The following CPS1 variants were observed in gnomAD, a reference collection of about 807,000 sequenced individuals.
The protein encoded by CPS1 is carbamoyl-phosphate synthase 1.
Under a neutral mutation model 174.6 loss-of-function variants are expected in CPS1, and 109 were observed. The ratio of observed to expected loss-of-function variants is 0.62; its 90% CI spans 0.53 to 0.73. CPS1 has a LOEUF of 0.73. Among genes scored for constraint, CPS1 ranks in the 30% least tolerant of loss-of-function variants. CPS1 has a pLI of 0.00. For synonymous variants in CPS1, 637 were observed against 632.0 expected, an observed-to-expected ratio of 1.01 and a Z score of -0.12; for missense variants, 1,689 against 1,821.9, an observed-to-expected ratio of 0.93 and a Z score of 1.33.
At chr2:210,633,611 C>G (rs1699939504) in intron 21 of CPS1, among the ~76,000 whole-genome samples, 1 of 152,102 alleles carries the variant, frequency 6.6e-6, no homozygotes, top group African/African-American at 2.4e-5. Flanking sequence ...TATTGCATCC[C>G]TAATAGAAAT....
At chr2:210,588,769 A>G (rs936309151) in intron 7 of CPS1, among the ~76,000 whole-genome samples, 2 of 151,944 alleles carry the variant, frequency 1.3e-5, no homozygotes, top group South Asian at 2.1e-4. Flanking sequence ...CATAACACCA[A>G]ATTAGCATGC....
intron 16 of CPS1, 177 bp from the exon 17 acceptor site, chr2:210,604,925 T>G: frequency 1.5e-6 from 1 of 647,356 alleles, no homozygotes; most frequent in Non-Finnish European, 2.7e-6. Flanking sequence ...TGCAGGATGC[T>G]ATTCCTAGTA....
At chr2:210,646,236 A>T (rs1032562641) in intron 25 of CPS1, among the ~76,000 whole-genome samples, 1 of 152,192 alleles carries the variant, frequency 6.6e-6, no homozygotes, top group Non-Finnish European at 1.5e-5. Flanking sequence ...TAAAACATTA[A>T]CAACACTGCT....
intron 1 of CPS1, among the ~76,000 whole-genome samples, chr2:210,488,262 G>T (rs1450884806): frequency 6.6e-6 from 1 of 152,058 alleles, no homozygotes; most frequent in Admixed American, 6.5e-5. Context: ...GTTAGATCAT[G>T]TGTATAATAT....
intron 31 of CPS1, among the ~76,000 whole-genome samples, chr2:210,659,711 G>T (rs1700852565): frequency 6.6e-6 from 1 of 152,158 alleles, no homozygotes; most frequent in Admixed American, 6.6e-5. Flanking sequence ...AGTGAAGGTT[G>T]GGAAGAAGGT....
intron 32 of CPS1, among the ~76,000 whole-genome samples, chr2:210,662,383 G>A (rs1319936765): frequency 6.6e-6 from 1 of 152,174 alleles, no homozygotes; most frequent in African/African-American, 2.4e-5. Flanking sequence ...ACTTGACCAA[G>A]ATGATCCAGT....
At chr2:210,662,401 C>T (rs2105925226) in intron 32 of CPS1, among the ~76,000 whole-genome samples, 2 of 152,254 alleles carry the variant, frequency 1.3e-5, no homozygotes, top group South Asian at 4.1e-4. Flanking sequence ...AGTGAAATGA[C>T]TCCCAAGCTA....
chr2:210,521,511 G>A (rs753183635), intron 1 of CPS1, among the ~76,000 whole-genome samples: 1 of 151,660 alleles, frequency 6.6e-6, no homozygotes, highest in African/African-American at 2.4e-5. Flanking sequence ...ATAGTTTTCT[G>A]TTAAAAAATT....
At chr2:210,571,625 T>G (rs1697491663) in intron 1 of CPS1, among the ~76,000 whole-genome samples, 1 of 151,988 alleles carries the variant, frequency 6.6e-6, no homozygotes, top group Non-Finnish European at 1.5e-5. Flanking sequence ...GGTTTAAAGG[T>G]AATCAAGACA....
intron 19 of CPS1, among the ~76,000 whole-genome samples, chr2:210,608,929 T>G (rs1019689687): frequency 1.3e-5 from 2 of 151,846 alleles, no homozygotes; most frequent in African/African-American, 4.8e-5. Context: ...ATATAATATA[T>G]CAAAAAGACC....
chr2:210,519,238 G>T (rs1232121350), intron 1 of CPS1, among the ~76,000 whole-genome samples: 1 of 151,930 alleles, frequency 6.6e-6, no homozygotes, highest in Non-Finnish European at 1.5e-5. Flanking sequence ...ATTGCATTTT[G>T]CCCAAGGTGT....
At position 210,514,602 on chromosome 2, in the gene CPS1, A is replaced by C. The variant is rs568789929; in HGVS notation, c.3+36836A>C. On this transcript the variant is annotated intron_variant, in intron 1 of 38. Transcript: ENST00000430249. ...GCAGGGTCTTTAGGGTTTTCTAGGCATAGAATCATATAATCAGTGAAGAGA... is the reference window on the plus strand; with the variant it reads ...GCAGGGTCTTTAGGGTTTTCTAGGCCTAGAATCATATAATCAGTGAAGAGA... Among the ~76,000 whole-genome samples the C allele has an allele frequency of 1.8e-3, 268 of 152,068 alleles. 1 individual carries two copies. The highest frequency in any genetic ancestry group is 6.8e-3 in the Middle Eastern group (2 of 294).
At chr2:210,623,459 A>C (rs1047003322) in intron 21 of CPS1, among the ~76,000 whole-genome samples, 12 of 152,020 alleles carry the variant, frequency 7.9e-5, no homozygotes, top group Middle Eastern at 6.8e-3. Context: ...TAATAACTTT[A>C]ATATTCTCTT....
intron 1 of CPS1, among the ~76,000 whole-genome samples, chr2:210,492,126 T>C (rs1172884269): frequency 6.6e-6 from 1 of 152,228 alleles, no homozygotes; most frequent in Admixed American, 6.5e-5. Flanking sequence ...CAGAATTCTT[T>C]TTCTGTGCAA....
intron 1 of CPS1, among the ~76,000 whole-genome samples, chr2:210,498,913 A>G (rs1346699075): frequency 6.6e-6 from 1 of 152,140 alleles, no homozygotes; most frequent in Non-Finnish European, 1.5e-5. Context: ...TGCATGGAGT[A>G]AAGAGGGCTG....
In CPS1 at chr2:210,663,209, A is replaced by G. The variant is rs1182038645; in HGVS notation, c.4002+12A>G. ...CTTCCACTGGAGAGGTAACTAGTTA[A>G]TAATCCATGGAAGCTTTCATTAAAT... On this transcript the variant is annotated intron_variant, in intron 33 of 37. Transcript: ENST00000233072. The G allele has an allele frequency of 6.2e-7, 1 of 1,606,968 alleles. No individual in the cohort carries two copies. Among genetic ancestry groups the G allele is most frequent in the Non-Finnish European group, 8.5e-7 (1 of 1,173,546 alleles).
intron 1 of CPS1, among the ~76,000 whole-genome samples, chr2:210,569,100 T>G (rs1370280628): frequency 6.6e-6 from 1 of 152,134 alleles, no homozygotes; most frequent in East Asian, 1.9e-4. Context: ...TTGTCTACTC[T>G]GTGCTAGCCA....
chr2:210,563,611 A>C (rs1437211203), intron 1 of CPS1, among the ~76,000 whole-genome samples: 1 of 152,184 alleles, frequency 6.6e-6, no homozygotes, highest in Non-Finnish European at 1.5e-5. Flanking sequence ...TTCGAAGTAA[A>C]GGATCGATGT....
chr2:210,513,218 T>G, intron 1 of CPS1, among the ~76,000 whole-genome samples: 1 of 149,842 alleles, frequency 6.7e-6, no homozygotes, highest in Non-Finnish European at 1.5e-5. Flanking sequence ...CTGGGTCAAA[T>G]GGTAGTTCTG....
Sources: gnomAD v4.1 joint callset for allele counts (sites outside exome capture counted in the v4.1 genomes callset) on GRCh38, gnomAD v4.1.1 for gene constraint, MANE v1.5 for transcripts, NCBI Gene and HGNC (gene_info 2026-07-23, HGNC 2026-07-21) for gene names.